The following VNN1 variants were observed in gnomAD, a reference collection of about 807,000 sequenced individuals.
VNN1 encodes the protein pantetheinase.
In VNN1, 29 loss-of-function variants were observed where a neutral mutation model predicts 41.9. The ratio of observed to expected loss-of-function variants is 0.69; its 90% CI spans 0.52 to 0.94. The LOEUF is 0.94. Ranked by LOEUF, VNN1 falls within the 40% of genes least tolerant of loss-of-function variation. VNN1 has a pLI of 0.00. For synonymous variants in VNN1, 233 were observed against 224.4 expected, an observed-to-expected ratio of 1.04 and a Z score of -0.34; for missense variants, 637 against 621.1, an observed-to-expected ratio of 1.03 and a Z score of -0.27.
Position 132,693,088 on chromosome 6 carries a change from C to A in VNN1, c.762G>T (p.Trp254Cys). ...HLSAVEFHSA[W>C]AMGMRVNFLA... is the part of the protein sequence containing the mutation. ...GGAAATTGACCCTCATGCCCATAGC[C>A]CAAGCTGAGTGGAATTCAACAGCTG... The change falls in exon 4 of 7, where the codon TGG (tryptophan) becomes TGT (cysteine). Residue 254 changes from tryptophan to cysteine, a missense_variant. Coordinates refer to ENST00000367928, the MANE Select transcript of VNN1 (RefSeq NM_004666.3). The A allele has an allele frequency of 6.2e-6, 10 of 1,613,878 alleles. No homozygotes were observed. The highest frequency in any genetic ancestry group is 8.5e-6 in the Non-Finnish European group (10 of 1,179,976).
At chr6:132,711,954 T>C in intron 1 of VNN1, 115 bp from the exon 2 acceptor site, 1 of 1,006,264 alleles carries the variant, frequency 9.9e-7, no homozygotes, top group Non-Finnish European at 1.3e-6. Context: ...TATTTTGTTT[T>C]CTATATTTTT....
intron 2 of VNN1, among the ~76,000 whole-genome samples, chr6:132,694,444 G>A (rs1483852752): frequency 3.9e-5 from 6 of 152,182 alleles, no homozygotes; most frequent in African/African-American, 1.4e-4. Context: ...GTAATCTATA[G>A]TCATATTTTC....
chr6:132,695,460 G>A (rs1486825598), intron 2 of VNN1, among the ~76,000 whole-genome samples: 2 of 152,138 alleles, frequency 1.3e-5, no homozygotes, highest in Non-Finnish European at 2.9e-5. Flanking sequence ...TATGGGAGCA[G>A]GGTGGACAAT....
At chr6:132,693,410 C>A in intron 3 of VNN1, 95 bp from the exon 4 acceptor site, 2 of 1,218,764 alleles carry the variant, frequency 1.6e-6, no homozygotes, top group Non-Finnish European at 2.2e-6. Flanking sequence ...CATCTTAGTG[C>A]CAATTTCATC....
At chr6:132,691,947 C>A (rs1778292433) in intron 5 of VNN1, among the ~76,000 whole-genome samples, 1 of 149,904 alleles carries the variant, frequency 6.7e-6, no homozygotes, top group Non-Finnish European at 1.5e-5. Flanking sequence ...GCAGAGCTTG[C>A]AGTGAGCTGA....
At chr6:132,712,961 C>T (rs1778625666) in intron 1 of VNN1, among the ~76,000 whole-genome samples, 1 of 152,074 alleles carries the variant, frequency 6.6e-6, no homozygotes, top group South Asian at 2.1e-4. Flanking sequence ...ATGGCAAAAT[C>T]CCATCTCTAC....
chr6:132,695,833 A>C (rs150708200), intron 2 of VNN1, among the ~76,000 whole-genome samples: 1,948 of 152,282 alleles, frequency 0.013, 20 homozygotes, highest in South Asian at 0.019. Context: ...CAAACATCCT[A>C]CAACAACAAA....
At chr6:132,692,882 A>G (rs1471820437) in intron 4 of VNN1, 142 bp downstream of exon 4, 14 of 1,041,542 alleles carry the variant, frequency 1.3e-5, no homozygotes, top group Non-Finnish European at 1.7e-5. Context: ...TTGATTCTAT[A>G]GCATATTAAC....
intron 2 of VNN1, among the ~76,000 whole-genome samples, chr6:132,709,669 A>T (rs1458696530): frequency 2.6e-5 from 4 of 151,854 alleles, no homozygotes; most frequent in Non-Finnish European, 5.9e-5. Context: ...CTCAAAAAAA[A>T]AAAAAAGAGA....
At chr6:132,711,558 C>T in intron 2 of VNN1, 151 bp downstream of exon 2, 1 of 841,234 alleles carries the variant, frequency 1.2e-6, no homozygotes, top group Non-Finnish European at 1.7e-6. Flanking sequence ...CATATTTGCT[C>T]TCCCAGTAAA....
chr6:132,689,309 C>G (rs1778250551), intron 5 of VNN1, among the ~76,000 whole-genome samples: 1 of 151,746 alleles, frequency 6.6e-6, no homozygotes, highest in Admixed American at 6.6e-5. Context: ...ACACATTTCT[C>G]CTGACCATGA....
chr6:132,713,948 A>T lies in VNN1; in HGVS notation c.88T>A (p.Tyr30Asn). 3 of 1,614,164 alleles carry T rather than the reference A, an allele frequency of 1.9e-6. No homozygotes were observed. Among genetic ancestry groups the T allele is most frequent in the Non-Finnish European group, 2.5e-6 (3 of 1,180,032 alleles). The change falls in exon 1 of 7, where the codon TAT becomes AAT. Residue 30 changes from tyrosine to asparagine, a missense_variant. Transcript: ENST00000367928. Reference protein sequence around the residue: ...SCQDTFTAAVYEHAAILPNAT... With the variant: ...SCQDTFTAAVNEHAAILPNAT... The stretch of plus-strand genomic sequence containing the variant: ...TTGGGCAATATCGCTGCATGCTCAT[A>T]AACAGCTGCAGTGAAAGTGTCCTGG...
chr6:132,708,427 C>A (rs1244268506), intron 2 of VNN1, among the ~76,000 whole-genome samples: 2 of 152,012 alleles, frequency 1.3e-5, no homozygotes, highest in South Asian at 4.1e-4. Context: ...CATATAAATG[C>A]TAAATAAATT....
At chr6:132,703,254 T>C (rs1778473218) in intron 2 of VNN1, among the ~76,000 whole-genome samples, 1 of 152,190 alleles carries the variant, frequency 6.6e-6, no homozygotes, top group African/African-American at 2.4e-5. Context: ...CAGACAAACA[T>C]GGAGTGTTAT....
In VNN1 at chr6:132,695,772, A is replaced by C. The variant is rs532079847; in HGVS notation, c.342-1590T>G. ...CATGCCCAGGGAAAGGTACAGACTC[A>C]TAAAAGGTCTAAGAAGACCTTAAAT... On this transcript the variant is annotated intron_variant, in intron 2 of 6. Transcript: ENST00000367928. 3.3e-5 allele frequency among the ~76,000 whole-genome samples: 5 copies of C among 152,350 alleles called. No homozygotes were observed. The South Asian group carries it at 1.0e-3, about 32-fold the overall frequency.
At position 132,692,577 on chromosome 6, in the gene VNN1, G is replaced by T; in HGVS notation, c.834C>A (p.Gly278=). The change falls in exon 5 of 7, where the codon GGC becomes GGA. Residue 278 remains glycine, a synonymous_variant. Coordinates refer to ENST00000367928, the MANE Select transcript of VNN1 (RefSeq NM_004666.3). The stretch of plus-strand genomic sequence containing the variant: ...CTCTTGAAGAATTGGGTGCATAGAT[G>T]CCACTTCCTGGAAGTAATAAGTTGA... ...HYPSKKMTGS[G]IYAPNSSRAF... 1 of 1,567,408 alleles carries T rather than the reference G, an allele frequency of 6.4e-7. No individual in the cohort carries two copies. Among genetic ancestry groups the T allele is most frequent in the African/African-American group, 1.4e-5 (1 of 73,356 alleles).
chr6:132,704,452 C>A (rs1778490359), intron 2 of VNN1, among the ~76,000 whole-genome samples: 1 of 151,938 alleles, frequency 6.6e-6, no homozygotes, highest in Non-Finnish European at 1.5e-5. Flanking sequence ...CAATGTGCTC[C>A]TGAATTACCA....
intron 2 of VNN1, among the ~76,000 whole-genome samples, chr6:132,703,609 C>G (rs531190860): frequency 6.6e-6 from 1 of 151,870 alleles, no homozygotes; most frequent in African/African-American, 2.4e-5. Flanking sequence ...GAGAAAAACA[C>G]CTTCACAAAA....
chr6:132,700,110 C>A (rs973115240), intron 2 of VNN1, among the ~76,000 whole-genome samples: 6 of 151,986 alleles, frequency 3.9e-5, no homozygotes, highest in Admixed American at 1.3e-4. Flanking sequence ...CATATGTAAG[C>A]AAAATCAATA....
Sources: allele counts gnomAD v4.1 joint callset (sites outside exome capture counted in the v4.1 genomes callset), GRCh38; gene constraint gnomAD v4.1.1; transcripts MANE v1.5; gene names NCBI Gene and HGNC (gene_info 2026-07-23, HGNC 2026-07-21).